Variants in SMAD3 observed in about 807,000 individuals in gnomAD.
SMAD3 encodes SMAD family member 3.
Under a neutral mutation model 51.8 loss-of-function variants are expected in SMAD3, and 12 were observed. That is an observed-to-expected ratio of 0.23 (90% CI 0.15 to 0.38). The LOEUF is 0.38. Ranked by LOEUF, SMAD3 falls within the 10% of genes least tolerant of loss-of-function variation. The pLI is 1.00. For missense variants in SMAD3, 294 were observed against 565.6 expected, an observed-to-expected ratio of 0.52 and a Z score of 4.87; for synonymous variants, 238 against 227.7, an observed-to-expected ratio of 1.05 and a Z score of -0.41.
chr15:67,073,626 G>A (rs751932745), intron 1 of SMAD3, among the ~76,000 whole-genome samples: 10 of 152,044 alleles, frequency 6.6e-5, no homozygotes, highest in Non-Finnish European at 1.5e-4. Flanking sequence ...AAACTCTATT[G>A]GAGGGCCTTT....
At chr15:67,079,937 C>G (rs961974750) in intron 1 of SMAD3, among the ~76,000 whole-genome samples, 5 of 151,136 alleles carry the variant, frequency 3.3e-5, no homozygotes, top group Admixed American at 1.3e-4. Context: ...AGGGCTGGAG[C>G]TGGATTTGCC....
At chr15:67,091,772 C>T (rs1320145639) in intron 1 of SMAD3, among the ~76,000 whole-genome samples, 2 of 152,286 alleles carry the variant, frequency 1.3e-5, no homozygotes, top group African/African-American at 4.8e-5. Flanking sequence ...TTTGCATAAG[C>T]ATTTTTATGC....
rs547354315 is a variant in SMAD3 at position 67,160,770 on chromosome 15, CAAAAAAAAAAAAAAAAAAAAAAAA to C, written c.207-4106_207-4083del. 1.4e-3 allele frequency among the ~76,000 whole-genome samples: 88 copies of C among 61,046 alleles called. 1 individual carries two copies. The highest frequency in any genetic ancestry group is 1.8e-3 in the Non-Finnish European group (68 of 37,060). 40.0% of individuals were successfully genotyped at this position (61,046 alleles called of 152,430 possible). A position where few individuals can be genotyped will look rare whatever the true frequency, so the allele number is the denominator to read the frequency against. On this transcript the variant is annotated intron_variant, in intron 1 of 8. Coordinates refer to ENST00000327367, the MANE Select transcript of SMAD3 (RefSeq NM_005902.4). The stretch of plus-strand genomic sequence containing the variant: ...TGGGCGACAGAGCGAGACTCCATCT[CAAAAAAAAAAAAAAAAAAAAAAAA>C]AAAAAAAAAAAAAAAAAAGAAGATT...
chr15:67,154,167 A>G (rs1332913542), intron 1 of SMAD3, among the ~76,000 whole-genome samples: 1 of 152,176 alleles, frequency 6.6e-6, no homozygotes, highest in Non-Finnish European at 1.5e-5. Context: ...AGGACTAAAT[A>G]TAATGGGAAG....
At chr15:67,080,329 T>C (rs1473578182) in intron 1 of SMAD3, among the ~76,000 whole-genome samples, 1 of 152,214 alleles carries the variant, frequency 6.6e-6, no homozygotes, top group African/African-American at 2.4e-5. Flanking sequence ...CTTAATTAAC[T>C]GGAGTATGAG....
At position 67,191,353 on chromosome 15, in the gene SMAD3, C is replaced by T. The variant is rs572102859; in HGVS notation, c.*817C>T. On this transcript the variant is annotated 3_prime_UTR_variant, in exon 9 of 9. Transcript: ENST00000327367. The stretch of plus-strand genomic sequence containing the variant: ...AGATTCGAATGACGGTAAGTGTTCT[C>T]ATGAAGCAGGAGGCCCTTGTCGTGG... 1 of 233,472 alleles carries T rather than the reference C, an allele frequency of 4.3e-6. No individual in the cohort carries two copies. The highest frequency in any genetic ancestry group is 1.8e-4 in the South Asian group (1 of 5,528). The allele number at this position is 233,472 out of a possible 1,614,324, so 14.5% of individuals were successfully genotyped here.
intron 1 of SMAD3, among the ~76,000 whole-genome samples, chr15:67,071,373 G>A (rs1257510684): frequency 6.6e-6 from 1 of 152,158 alleles, no homozygotes; most frequent in Non-Finnish European, 1.5e-5. Flanking sequence ...AGTGACTTGG[G>A]TGCTATATTT....
chr15:67,187,933 C>T (rs928779505), intron 8 of SMAD3, among the ~76,000 whole-genome samples: 4 of 151,992 alleles, frequency 2.6e-5, no homozygotes, highest in African/African-American at 9.7e-5. Flanking sequence ...TTAGGATGAC[C>T]CTCTTCAGGA....
intron 8 of SMAD3, 33 bp from the exon 9 acceptor site, chr15:67,190,380 C>T: frequency 6.2e-7 from 1 of 1,606,638 alleles, no homozygotes. Flanking sequence ...TTTTTTAAGT[C>T]CCCCACCCCA....
At chr15:67,114,190 G>A (rs1024310910) in intron 1 of SMAD3, among the ~76,000 whole-genome samples, 23 of 152,148 alleles carry the variant, frequency 1.5e-4, no homozygotes, top group African/African-American at 2.9e-4. Context: ...GAACCCACCC[G>A]CCTTCCCACC....
At chr15:67,088,265 C>G (rs1269019790) in intron 1 of SMAD3, among the ~76,000 whole-genome samples, 1 of 152,108 alleles carries the variant, frequency 6.6e-6, no homozygotes, top group Admixed American at 6.5e-5. Context: ...TGCTAAACGG[C>G]TTTCCCGATA....
At position 67,193,987 on chromosome 15, in the gene SMAD3, T is replaced by C; in HGVS notation, c.*3451T>C. ...GTCTCCACAGGGCCGGAGCTCAGGT[T>C]ACACCACTCCTTCGTCCTTACAGGA... On this transcript the variant is annotated 3_prime_UTR_variant, in exon 9 of 9. Coordinates refer to ENST00000327367, the MANE Select transcript of SMAD3 (RefSeq NM_005902.4). 4.3e-6 allele frequency: 1 copy of C among 233,302 alleles called. No homozygotes were observed. Among genetic ancestry groups the C allele is most frequent in the Non-Finnish European group, 8.5e-6 (1 of 117,966 alleles). The allele number at this position is 233,302 out of a possible 1,614,324, so 14.5% of individuals were successfully genotyped here.
chr15:67,118,607 C>T (rs1209948069), intron 1 of SMAD3, among the ~76,000 whole-genome samples: 2 of 152,182 alleles, frequency 1.3e-5, no homozygotes, highest in African/African-American at 4.8e-5. Flanking sequence ...ATGCCTTTCT[C>T]TAGGAGGTTT....
intron 1 of SMAD3, among the ~76,000 whole-genome samples, chr15:67,112,750 C>T (rs1449290414): frequency 3.0e-5 from 4 of 132,296 alleles, no homozygotes; most frequent in Non-Finnish European, 6.2e-5. Flanking sequence ...CCCTTGCATT[C>T]TTCTAAGAGT....
intron 1 of SMAD3, among the ~76,000 whole-genome samples, chr15:67,105,252 C>G (rs1960850475): frequency 6.6e-6 from 1 of 152,256 alleles, no homozygotes; most frequent in African/African-American, 2.4e-5. Flanking sequence ...TTCTTGCCCT[C>G]TGTGTCCTTC....
chr15:67,188,148 CTT>C lies in SMAD3; in HGVS notation c.1154+659_1154+660del, dbSNP rs11367565. Among the ~76,000 whole-genome samples, 670 of 115,954 alleles carry C rather than the reference CTT, an allele frequency of 5.8e-3. 8 individuals are homozygous for C. The highest frequency in any genetic ancestry group is 0.016 in the African/African-American group (544 of 33,128). 76.1% of individuals were successfully genotyped at this position (115,954 alleles called of 152,430 possible). On this transcript the variant is annotated intron_variant, in intron 8 of 8. Transcript: ENST00000327367. ...TACATACTGGTTTCTTTTTCTTTTT[CTT>C]TTTTTTTTTTTTTTTTTTTGAGATG...
chr15:67,178,464 C>T (rs967442122), intron 5 of SMAD3, among the ~76,000 whole-genome samples: 1 of 152,156 alleles, frequency 6.6e-6, no homozygotes, highest in Non-Finnish European at 1.5e-5. Context: ...TGACCCGTGC[C>T]AGAGAATGAT....
At chr15:67,099,579 GA>G (rs1464314507) in intron 1 of SMAD3, among the ~76,000 whole-genome samples, 1 of 152,146 alleles carries the variant, frequency 6.6e-6, no homozygotes, top group Non-Finnish European at 1.5e-5. Context: ...AGAACTGGGG[GA>G]ATATGTAATA....
chr15:67,170,426 G>T, intron 4 of SMAD3, 128 bp from the exon 5 acceptor site: 1 of 781,864 alleles, frequency 1.3e-6, no homozygotes. Flanking sequence ...CTTCTCCTGG[G>T]ACCCCTCAGT....
Sources: allele counts gnomAD v4.1 joint callset (sites outside exome capture counted in the v4.1 genomes callset), GRCh38; gene constraint gnomAD v4.1.1; transcripts MANE v1.5; gene names NCBI Gene and HGNC (gene_info 2026-07-23, HGNC 2026-07-21).